Variants in SULT2B1 observed in about 807,000 individuals in gnomAD.
SULT2B1 encodes sulfotransferase 2B1.
Under a neutral mutation model 33.2 loss-of-function variants are expected in SULT2B1, and 16 were observed. The ratio of observed to expected loss-of-function variants is 0.48; its 90% confidence interval spans 0.33 to 0.73. SULT2B1 has a LOEUF of 0.73. Ranked by LOEUF, SULT2B1 falls within the 30% of genes least tolerant of loss-of-function variation. The pLI, the probability that SULT2B1 is intolerant of heterozygous loss-of-function variation, is 0.02. For synonymous variants in SULT2B1, 186 were observed against 200.5 expected, an observed-to-expected ratio of 0.93 and a Z score of 0.61; for missense variants, 500 against 506.0, an observed-to-expected ratio of 0.99 and a Z score of 0.11.
intron 2 of SULT2B1, among the ~76,000 whole-genome samples, chr19:48,576,473 A>C (rs1973412331): frequency 6.8e-6 from 1 of 146,546 alleles, no homozygotes. Flanking sequence ...CTGGGATTAC[A>C]GGCGTGAACC....
intron 5 of SULT2B1, among the ~76,000 whole-genome samples, chr19:48,593,457 C>G (rs1044074794): frequency 2.0e-5 from 3 of 151,526 alleles, no homozygotes; most frequent in African/African-American, 7.3e-5. Flanking sequence ...GAGGCTAAGG[C>G]AGGAGAATGG....
intron 2 of SULT2B1, among the ~76,000 whole-genome samples, chr19:48,582,135 C>T (rs1416114799): frequency 6.7e-6 from 1 of 150,336 alleles, no homozygotes; most frequent in African/African-American, 2.4e-5. Context: ...GAACCCCTGA[C>T]CTCAGGAGAT....
chr19:48,584,577 C>T (rs1266539242), intron 2 of SULT2B1, among the ~76,000 whole-genome samples: 1 of 152,236 alleles, frequency 6.6e-6, no homozygotes, highest in Admixed American at 6.5e-5. Context: ...AGCCTGTAAA[C>T]TGATAACTGG....
At chr19:48,587,178 C>T (rs756112302) in intron 2 of SULT2B1, 51 bp from the exon 3 acceptor site, 1 of 1,311,346 alleles carries the variant, frequency 7.6e-7, no homozygotes, top group East Asian at 2.3e-5. Context: ...GATGATATCT[C>T]CCTCTTCAGC....
intron 1 of SULT2B1, among the ~76,000 whole-genome samples, chr19:48,572,815 T>G (rs1226443563): frequency 1.3e-5 from 2 of 151,700 alleles, no homozygotes; most frequent in Non-Finnish European, 2.9e-5. Context: ...CAGGACCCAG[T>G]AGTCCATGGA....
chr19:48,574,727 G>T (rs1229645634), intron 1 of SULT2B1, among the ~76,000 whole-genome samples: 1 of 152,172 alleles, frequency 6.6e-6, no homozygotes, highest in Non-Finnish European at 1.5e-5. Flanking sequence ...AGTGAAGTCC[G>T]CTGCCCAAGG....
chr19:48,565,423 A>G (rs1973232160), intron 1 of SULT2B1, among the ~76,000 whole-genome samples: 2 of 151,832 alleles, frequency 1.3e-5, no homozygotes. Flanking sequence ...TCTGTCACCT[A>G]GGCTGAAGTG....
chr19:48,555,065 G>A (rs942810080), intron 1 of SULT2B1, among the ~76,000 whole-genome samples: 1 of 152,028 alleles, frequency 6.6e-6, no homozygotes, highest in Non-Finnish European at 1.5e-5. Context: ...GGGATGACAG[G>A]CGCGTGCCAC....
At chr19:48,568,291 A>AG (rs1161765719) in intron 1 of SULT2B1, among the ~76,000 whole-genome samples, 1 of 151,758 alleles carries the variant, frequency 6.6e-6, no homozygotes, top group African/African-American at 2.4e-5. Context: ...ATCTCAAAAA[A>AG]AAAAAAAAAA....
rs1487610540 is a variant in SULT2B1 at position 48,596,899 on chromosome 19, G to A, written c.806G>A (p.Arg269His). The A allele has an allele frequency of 6.2e-6, 10 of 1,600,046 alleles. No homozygotes were observed. Among genetic ancestry groups the A allele is most frequent in the East Asian group, 2.2e-5 (1 of 44,678 alleles). The change falls in exon 6 of 7, where the codon CGC becomes CAC. Residue 269 changes from arginine (R) to histidine (H), a missense_variant. By Grantham distance (29) the Arg-to-His change is conservative. Coordinates refer to ENST00000201586, the MANE Select transcript of SULT2B1 (RefSeq NM_177973.2). ...CCTCCCAGCCTGCTGGACCACCGTC[G>A]CGGGGCCTTCCTCCGGAAAGGTGCG... ...LLPPSLLDHR[R>H]GAFLRKGVCG...
At chr19:48,566,791 A>G (rs2544802) in intron 1 of SULT2B1, among the ~76,000 whole-genome samples, 19,769 of 151,716 alleles carry the variant, frequency 0.13, 1,403 homozygotes, top group African/African-American at 0.16. Context: ...GCAGTGAGCC[A>G]AAATTGTGTC....
intron 1 of SULT2B1, among the ~76,000 whole-genome samples, chr19:48,575,000 T>G (rs995821228): frequency 2.0e-4 from 31 of 152,044 alleles, no homozygotes; most frequent in African/African-American, 7.5e-4. Context: ...TCCTCTGAGT[T>G]CACATAAGGC....
intron 3 of SULT2B1, among the ~76,000 whole-genome samples, chr19:48,588,489 G>A (rs1601108607): frequency 1.4e-5 from 2 of 146,952 alleles, no homozygotes; most frequent in African/African-American, 2.7e-5. Flanking sequence ...TCCAGCCTGG[G>A]CAACAAAAGC....
chr19:48,573,189 G>T (rs992437625), intron 1 of SULT2B1, among the ~76,000 whole-genome samples: 10 of 151,694 alleles, frequency 6.6e-5, no homozygotes, highest in Admixed American at 2.0e-4. Context: ...CATGTCCAGG[G>T]GGCTTGCAGG....
At chr19:48,561,454 TAAAA>T (rs977190562) in intron 1 of SULT2B1, among the ~76,000 whole-genome samples, 1 of 137,026 alleles carries the variant, frequency 7.3e-6, no homozygotes, top group Non-Finnish European at 1.7e-5. Context: ...AATAGATAGA[TAAAA>T]TAAATAAATT....
At chr19:48,595,236 C>T (rs1422495738) in intron 5 of SULT2B1, among the ~76,000 whole-genome samples, 1 of 151,676 alleles carries the variant, frequency 6.6e-6, no homozygotes, top group African/African-American at 2.4e-5. Context: ...GAGACGAGAT[C>T]ATGCCATTGC....
chr19:48,588,359 A>G (rs1973594200), intron 3 of SULT2B1, among the ~76,000 whole-genome samples: 1 of 151,684 alleles, frequency 6.6e-6, no homozygotes, highest in Non-Finnish European at 1.5e-5. Context: ...CTAAAAATAC[A>G]AAGTTAGCTG....
At chr19:48,577,497 C>T (rs1973430130) in intron 2 of SULT2B1, among the ~76,000 whole-genome samples, 1 of 150,684 alleles carries the variant, frequency 6.6e-6, no homozygotes, top group South Asian at 2.1e-4. Flanking sequence ...TCCTGAGTAG[C>T]TGGGATTACA....
intron 1 of SULT2B1, among the ~76,000 whole-genome samples, chr19:48,562,077 C>G (rs1973190163): frequency 6.6e-6 from 1 of 152,042 alleles, no homozygotes; most frequent in African/African-American, 2.4e-5. Context: ...ATGGCGAAAC[C>G]CTGTCTCTAC....
Sources: gnomAD v4.1 joint callset for allele counts (sites outside exome capture counted in the v4.1 genomes callset) on GRCh38, gnomAD v4.1.1 for gene constraint, MANE v1.5 for transcripts, NCBI Gene and HGNC (gene_info 2026-07-23, HGNC 2026-07-21) for gene names.